The following UBN2 variants were observed in gnomAD, a reference collection of about 807,000 sequenced individuals.
The protein encoded by UBN2 is ubinuclein-2.
Under a neutral mutation model 120.2 loss-of-function variants are expected in UBN2, and 35 were observed. That is an observed-to-expected ratio of 0.29 (90% confidence interval 0.22 to 0.39). UBN2 has a LOEUF of 0.39. UBN2 is among the 10% of genes least tolerant of loss of function. The pLI, the probability that UBN2 is intolerant of heterozygous loss-of-function variation, is 1.00. For synonymous variants in UBN2, 661 were observed against 648.7 expected, an observed-to-expected ratio of 1.02 and a Z score of -0.29; for missense variants, 1,693 against 1,663.2, an observed-to-expected ratio of 1.02 and a Z score of -0.31.
Position 139,293,965 on chromosome 7 carries a change from A to G in UBN2, c.3978A>G (p.Leu1326=). 6.2e-7 allele frequency: 1 copy of G among 1,614,162 alleles called. No individual in the cohort carries two copies. The highest frequency in any genetic ancestry group is 8.5e-7 in the Non-Finnish European group (1 of 1,179,990). Residue 1326 remains leucine, a synonymous_variant, in exon 17 of 18, where the codon TTA becomes TTG. Transcript: ENST00000473989. ...CCCACTCACCTCTGCCTGCACACTT[A>G]CAGCAAGCATTTCACGGTGAGAACG... ...TLSHSPLPAH[L]QQAFHDGGQS...
chr7:139,309,690 G>C (rs528420489), downstream of UBN2, among the ~76,000 whole-genome samples: 1 of 152,186 alleles, frequency 6.6e-6, no homozygotes, highest in African/African-American at 2.4e-5. Flanking sequence ...GACCAACATG[G>C]AGAAACCCCG....
intron 3 of UBN2, among the ~76,000 whole-genome samples, chr7:139,255,425 G>C (rs1208109942): frequency 6.6e-6 from 1 of 152,124 alleles, no homozygotes; most frequent in Non-Finnish European, 1.5e-5. Flanking sequence ...GATGGGTAAT[G>C]TATTTTCCAC....
Position 139,237,086 on chromosome 7 carries a change from G to T in UBN2, c.550G>T (p.Glu184Ter). ...GGTGGAAATGTTGGCTAAGAAGTTT[G>T]AAATGAAATATGTGAGTATAATAAA... Reference protein sequence around the residue: ...QEVEMLAKKFEMKYGGKPRKH... With the variant: ...QEVEMLAKKF Residue 184 changes from glutamate (E) to a stop codon, truncating the protein, a stop_gained, in exon 2 of 18, where the codon GAA becomes TAA. Coordinates refer to ENST00000473989, the MANE Select transcript of UBN2 (RefSeq NM_173569.4). LOFTEE classifies it high-confidence loss of function. 6.2e-7 allele frequency: 1 copy of T among 1,607,472 alleles called. No individual in the cohort carries two copies. The highest frequency in any genetic ancestry group is 1.1e-5 in the South Asian group (1 of 90,838).
At chr7:139,312,364 G>T (rs1798459506), downstream of UBN2, among the ~76,000 whole-genome samples, 1 of 152,128 alleles carries the variant, frequency 6.6e-6, no homozygotes, top group Non-Finnish European at 1.5e-5. Flanking sequence ...CGTACATTTA[G>T]GGTGTTGCTT....
chr7:139,308,511 G>A (rs1325381524), downstream of UBN2, among the ~76,000 whole-genome samples: 3 of 152,162 alleles, frequency 2.0e-5, no homozygotes, highest in Admixed American at 6.5e-5. Context: ...AAACGGGACT[G>A]GAGTAATGTG....
intron 2 of UBN2, among the ~76,000 whole-genome samples, chr7:139,239,853 G>A (rs898739786): frequency 2.0e-5 from 3 of 152,180 alleles, no homozygotes; most frequent in African/African-American, 7.2e-5. Context: ...ACTGCGCCCA[G>A]CCTAGAGTGT....
At chr7:139,262,129 T>TG (rs1287264327) in intron 6 of UBN2, among the ~76,000 whole-genome samples, 4 of 151,858 alleles carry the variant, frequency 2.6e-5, no homozygotes, top group African/African-American at 9.7e-5. Flanking sequence ...GACAAAGCCT[T>TG]GCTCCGTCGT....
rs371332806 is a variant in UBN2, at chr7:139,283,285, A to C, written c.2380A>C (p.Thr794Pro). The C allele has an allele frequency of 3.7e-5, 60 of 1,613,796 alleles. No homozygotes were observed. Among genetic ancestry groups the C allele is most frequent in the Admixed American group, 1.0e-4 (6 of 59,924 alleles). Residue 794 changes from threonine to proline, a missense_variant, in exon 15 of 18, where the codon ACC becomes CCC. Physicochemically the swap from Thr to Pro is conservative, Grantham distance 38. Around this residue, in one of 5 missense-constraint regions of UBN2, gnomAD observed 837 missense variants for 817.6 expected, o/e 1.02. Coordinates refer to ENST00000473989, the MANE Select transcript of UBN2 (RefSeq NM_173569.4). The part of the protein sequence containing the change: ...PPVGSRISMP[T>P]TKPRPGLREE... ...AGTTGGCTCAAGGATAAGCATGCCAACCACAAAGCCTCGTCCAGGACTGAG... is the reference window on the plus strand; with the variant it reads ...AGTTGGCTCAAGGATAAGCATGCCACCCACAAAGCCTCGTCCAGGACTGAG...
Position 139,263,730 on chromosome 7 carries a change from G to A in UBN2, c.1395+1989G>A, listed in dbSNP as rs141961234. ...TGGAGGTTGCAGTGAGCATGCCACTGCACTCCAGCCTGAGCAACCAAGCAA... is the reference window on the plus strand; with the variant it reads ...TGGAGGTTGCAGTGAGCATGCCACTACACTCCAGCCTGAGCAACCAAGCAA... On this transcript the variant is annotated intron_variant, in intron 6 of 17. Coordinates refer to ENST00000473989, the MANE Select transcript of UBN2 (RefSeq NM_173569.4). Among the ~76,000 whole-genome samples, 1,077 of 145,458 alleles carry A rather than the reference G, an allele frequency of 7.4e-3. 18 individuals are homozygous for A. Among genetic ancestry groups the A allele is most frequent in the African/African-American group, 0.026 (1,035 of 39,090 alleles).
chr7:139,255,548 T>C (rs1796738720), intron 3 of UBN2, among the ~76,000 whole-genome samples: 1 of 152,172 alleles, frequency 6.6e-6, no homozygotes, highest in African/African-American at 2.4e-5. Flanking sequence ...TAGGTTCCTG[T>C]TTTATAAGAA....
At chr7:139,327,042 A>AT in the UBN2 span, among the ~76,000 whole-genome samples, 5 of 151,758 alleles carry the variant, frequency 3.3e-5, no homozygotes, top group East Asian at 3.9e-4. Flanking sequence ...TTATTTGTTT[A>AT]TTTTTTTTGA....
Position 139,266,724 on chromosome 7 carries a change from C to T in UBN2, c.1466+321C>T, listed in dbSNP as rs536626203. Among the ~76,000 whole-genome samples, 8 of 152,186 alleles carry T rather than the reference C, an allele frequency of 5.3e-5. No individual in the cohort carries two copies. The South Asian group carries it at 1.0e-3, about 20-fold the overall frequency. ...AGTATCTTTCTGGGAAATGTTAGAG[C>T]GTTTATATACAGATTTGGCATGATT... is the stretch of plus-strand genomic sequence containing the variant. On this transcript the variant is annotated intron_variant, in intron 7 of 17. Coordinates refer to ENST00000473989, the MANE Select transcript of UBN2 (RefSeq NM_173569.4).
the UBN2 span, among the ~76,000 whole-genome samples, chr7:139,322,102 T>C: frequency 6.6e-6 from 1 of 151,670 alleles, no homozygotes; most frequent in Admixed American, 6.6e-5. Context: ...GCCTTCGGAG[T>C]AGCTGGGACT....
intron 15 of UBN2, among the ~76,000 whole-genome samples, chr7:139,285,856 C>T (rs1042474929): frequency 2.0e-4 from 30 of 152,042 alleles, no homozygotes; most frequent in Admixed American, 1.2e-3. Flanking sequence ...GATTCTCCTG[C>T]CTTAGGCTCC....
At chr7:139,293,157 T>C in intron 15 of UBN2, 75 bp from the exon 16 acceptor site, 1 of 1,229,320 alleles carries the variant, frequency 8.1e-7, no homozygotes, top group Non-Finnish European at 1.2e-6. Flanking sequence ...CTTGCATCTG[T>C]GAGGATATTA....
intron 15 of UBN2, among the ~76,000 whole-genome samples, chr7:139,292,725 T>C (rs1343500251): frequency 1.3e-5 from 2 of 151,530 alleles, no homozygotes; most frequent in Admixed American, 6.6e-5. Flanking sequence ...TTCTACACGG[T>C]GAGAATTCAT....
chr7:139,297,667 A>G (rs1198218722), intron 17 of UBN2, 120 bp from the exon 18 acceptor site: 25 of 846,878 alleles, frequency 3.0e-5, no homozygotes, highest in African/African-American at 1.7e-4. Flanking sequence ...ATTAAAAGTG[A>G]TATCTTTTCA....
intron 11 of UBN2, among the ~76,000 whole-genome samples, chr7:139,275,621 G>C (rs1026457667): frequency 2.0e-5 from 3 of 151,700 alleles, no homozygotes; most frequent in African/African-American, 7.3e-5. Flanking sequence ...TAATAAACTT[G>C]GCTAGTTCAA....
chr7:139,323,586 ATTATTATTATT>A, the UBN2 span, among the ~76,000 whole-genome samples: 1 of 139,996 alleles, frequency 7.1e-6, no homozygotes, highest in Non-Finnish European at 1.5e-5. Flanking sequence ...TATTATTATT[ATTATTATTATT>A]ATTATTTTTG....
Sources: allele counts gnomAD v4.1 joint callset (sites outside exome capture counted in the v4.1 genomes callset), GRCh38; gene constraint gnomAD v4.1.1; regional missense constraint gnomAD v4.1.1; transcripts MANE v1.5; gene names NCBI Gene and HGNC (gene_info 2026-07-23, HGNC 2026-07-21).